Variants in AMBN observed in about 807,000 individuals in gnomAD.
The protein encoded by AMBN is enamel matrix protein.
Under a neutral mutation model 48.0 loss-of-function variants are expected in AMBN, and 54 were observed. The ratio of observed to expected loss-of-function variants is 1.12; its 90% CI spans 0.90 to 1.41. The LOEUF (loss-of-function observed/expected upper bound fraction) is 1.41, where lower values mean the gene tolerates loss of function less well. Ranked by LOEUF, AMBN falls within the 40% of genes most tolerant of loss-of-function variation. The pLI, the probability that AMBN is intolerant of heterozygous loss-of-function variation, is 0.00. For missense variants in AMBN, 571 were observed against 547.3 expected (o/e 1.04, Z -0.43); for synonymous variants, 186 against 190.0 (o/e 0.98, Z 0.17).
intron 2 of AMBN, among the ~76,000 whole-genome samples, chr4:70,596,279 C>CAA (rs36108778): frequency 2.4e-4 from 28 of 117,288 alleles, no homozygotes; most frequent in South Asian, 8.2e-4. Flanking sequence ...AACTTAGTCT[C>CAA]AAAAAAAAAA....
chr4:70,593,794 G>A (rs903662690), intron 2 of AMBN, among the ~76,000 whole-genome samples: 1 of 151,676 alleles, frequency 6.6e-6, no homozygotes, highest in Non-Finnish European at 1.5e-5. Context: ...GAACCTGGGA[G>A]GCGGAGGTTG....
rs368371182 is a variant in AMBN, at chr4:70,600,867, C to G, written c.295-551C>G. 7.0e-4 allele frequency among the ~76,000 whole-genome samples: 106 copies of G among 152,192 alleles called. 2 individuals are homozygous for G. In the South Asian group the frequency reaches 0.019, roughly 28 times the overall value. ...TATGTTAATGGTGACTGTTTCTTAA[C>G]TTAATTGTTTCCAAAGTGGACTCCA... On this transcript the variant is annotated intron_variant, in intron 5 of 12. Coordinates refer to ENST00000322937, the MANE Select transcript of AMBN (RefSeq NM_016519.6).
intron 4 of AMBN, 137 bp downstream of exon 4, chr4:70,598,540 A>G: frequency 1.9e-6 from 1 of 534,046 alleles, no homozygotes; most frequent in Non-Finnish European, 3.0e-6. Context: ...ATGAGAGCCT[A>G]AAACAAAATA....
At chr4:70,601,676 C>G (rs1282049907) in intron 6 of AMBN, 22 bp downstream of exon 6, 1 of 1,606,148 alleles carries the variant, frequency 6.2e-7, no homozygotes, top group African/African-American at 1.3e-5. Flanking sequence ...CTCTTGAAGT[C>G]AGATCAGAAT....
Position 70,601,629 on chromosome 4 carries a change from C to T in AMBN, c.506C>T (p.Pro169Leu), listed in dbSNP as rs1205593357. Residue 169 changes from proline (P) to leucine (L), a missense_variant, in exon 6 of 13, where the codon CCA becomes CTA. Physicochemically the swap from Pro to Leu is moderately conservative, Grantham distance 98. Transcript: ENST00000322937. The part of the protein sequence containing the change: ...ELPLVQQQVA[P>L]SDKPPKPELP... Reference sequence around the variant, plus strand: ...CCTCTGGTTCAGCAGCAGGTGGCACCATCAGATAAGCCACCAAAGCCTGAG... The same window carrying T: ...CCTCTGGTTCAGCAGCAGGTGGCACTATCAGATAAGCCACCAAAGCCTGAG... 7 of 1,614,002 alleles carry T rather than the reference C, an allele frequency of 4.3e-6. No individual in the cohort carries two copies. In the Admixed American group the frequency reaches 5.0e-5, roughly 12 times the overall value.
At chr4:70,599,706 C>A in intron 5 of AMBN, 60 bp downstream of exon 5, 2 of 1,285,714 alleles carry the variant, frequency 1.6e-6, no homozygotes, top group Non-Finnish European at 2.2e-6. Context: ...TCTTACTTGC[C>A]TTCTTTAAGT....
At chr4:70,600,401 C>T (rs1737491738) in intron 5 of AMBN, among the ~76,000 whole-genome samples, 1 of 151,476 alleles carries the variant, frequency 6.6e-6, no homozygotes, top group African/African-American at 2.4e-5. Context: ...TGATTAGGTG[C>T]CTAATAAATA....
intron 12 of AMBN, 82 bp downstream of exon 12, chr4:70,604,003 C>A: frequency 7.1e-7 from 1 of 1,412,698 alleles, no homozygotes; most frequent in Non-Finnish European, 1.0e-6. Flanking sequence ...AGACGTCTGC[C>A]ATGAATGTAG....
rs766225005 is a variant in AMBN at position 70,602,981 on chromosome 4, T to A, written c.619T>A (p.Leu207Met). 9.4e-6 allele frequency: 15 copies of A among 1,603,780 alleles called. No homozygotes were observed. The highest frequency in any genetic ancestry group is 1.7e-5 in the Admixed American group (1 of 59,248). ...PDPQGPSLPG[L>M]DFADPQGSTI... Reference sequence around the variant, plus strand: ...TTTATCTGTAATATAGCTCCCAGGATTGGATTTTGCTGATCCACAAGGTTC... The same window carrying A: ...TTTATCTGTAATATAGCTCCCAGGAATGGATTTTGCTGATCCACAAGGTTC... Residue 207 changes from leucine (L) to methionine (M), a missense_variant, in exon 9 of 13, where the codon TTG (leucine) becomes ATG (methionine). Physicochemically the swap from Leu to Met is conservative, Grantham distance 15. Coordinates refer to ENST00000322937, the MANE Select transcript of AMBN (RefSeq NM_016519.6).
chr4:70,603,488 G>T, intron 11 of AMBN, 28 bp downstream of exon 11: 1 of 1,593,208 alleles, frequency 6.3e-7, no homozygotes. Flanking sequence ...AAAAAGTATT[G>T]TTTTTAATTA....
rs1475778524 is a variant in AMBN, at chr4:70,606,626, A to G, written c.1240A>G (p.Met414Val). ...TSVDFQEEAT[M>V]DTTMAPNSLQ... is the part of the protein sequence containing the mutation. ...CGTGGATTTCCAGGAAGAAGCAACC[A>G]TGGATACCACGATGGCCCCAAACTC... Residue 414 changes from methionine to valine, a missense_variant, in exon 13 of 13, where the codon ATG (methionine) becomes GTG (valine). By Grantham distance (21) the Met-to-Val change is conservative (BLOSUM62 1). Coordinates refer to ENST00000322937, the MANE Select transcript of AMBN (RefSeq NM_016519.6). The G allele has an allele frequency of 4.3e-6, 7 of 1,614,046 alleles. No individual in the cohort carries two copies. The highest frequency in any genetic ancestry group is 1.7e-5 in the Admixed American group (1 of 60,004).
chr4:70,601,570 C>G lies in AMBN; in HGVS notation c.447C>G (p.His149Gln), dbSNP rs142332144. 1 of 1,614,044 alleles carries G rather than the reference C, an allele frequency of 6.2e-7. No individual in the cohort carries two copies. Among genetic ancestry groups the G allele is most frequent in the African/African-American group, 1.3e-5 (1 of 74,938 alleles). The stretch of plus-strand genomic sequence containing the variant: ...AAGAAGCACTTCAGCCTCCAATTCA[C>G]CTGGGACATCTGCCCTTGCAGGAAG... ...ALKEALQPPIHLGHLPLQEGE... is the reference protein window; with the variant it reads ...ALKEALQPPIQLGHLPLQEGE... The change falls in exon 6 of 13, where the codon CAC (histidine) becomes CAG (glutamine). Residue 149 changes from histidine to glutamine, a missense_variant. His to Gln is a conservative substitution (Grantham distance 24). Coordinates refer to ENST00000322937, the MANE Select transcript of AMBN (RefSeq NM_016519.6).
intron 5 of AMBN, 131 bp from the exon 6 acceptor site, chr4:70,601,287 T>C: frequency 1.1e-6 from 1 of 922,216 alleles, no homozygotes; most frequent in Non-Finnish European, 1.7e-6. Context: ...CTATGTAAAC[T>C]CAACTTCAAG....
At chr4:70,604,206 A>G (rs1258435570) in intron 12 of AMBN, among the ~76,000 whole-genome samples, 3 of 152,188 alleles carry the variant, frequency 2.0e-5, no homozygotes, top group Non-Finnish European at 2.9e-5. Flanking sequence ...CCGTCATTGA[A>G]CTATAAACAC....
At chr4:70,597,946 ATTTG>A (rs1175411506) in intron 3 of AMBN, among the ~76,000 whole-genome samples, 1 of 145,406 alleles carries the variant, frequency 6.9e-6, no homozygotes, top group East Asian at 2.0e-4. Context: ...TAGAAGTTTT[ATTTG>A]TTTGTCTTGT....
In AMBN at chr4:70,592,273, T is replaced by C; in HGVS notation, c.-86T>C. 7.9e-7 allele frequency: 1 copy of C among 1,265,484 alleles called. No homozygotes were observed. Among genetic ancestry groups the C allele is most frequent in the Non-Finnish European group, 1.1e-6 (1 of 879,212 alleles). The allele number at this position is 1,265,484 out of a possible 1,614,324, so 78.4% of individuals were successfully genotyped here. A position where few individuals can be genotyped will look rare whatever the true frequency, so the allele number is the denominator to read the frequency against. On this transcript the variant is annotated 5_prime_UTR_variant, in exon 1 of 13. Coordinates refer to ENST00000322937, the MANE Select transcript of AMBN (RefSeq NM_016519.6). ...CCCTGAATGAGAAGTACAGAGCAAG[T>C]CCCACGCACAGTCCTGAAAAAAATT...
At position 70,601,610 on chromosome 4, in the gene AMBN, G is replaced by C; in HGVS notation, c.487G>C (p.Val163Leu). Reference sequence around the variant, plus strand: ...CTTGCAGGAAGGAGAACTGCCTCTGGTTCAGCAGCAGGTGGCACCATCAGA... The same window carrying C: ...CTTGCAGGAAGGAGAACTGCCTCTGCTTCAGCAGCAGGTGGCACCATCAGA... ...LPLQEGELPL[V>L]QQQVAPSDKP... Residue 163 changes from valine to leucine, a missense_variant, in exon 6 of 13, where the codon GTT becomes CTT. Physicochemically the swap from Val to Leu is conservative, Grantham distance 32. Coordinates refer to ENST00000322937, the MANE Select transcript of AMBN (RefSeq NM_016519.6). 1 of 1,614,164 alleles carries C rather than the reference G, an allele frequency of 6.2e-7. No individual in the cohort carries two copies. The highest frequency in any genetic ancestry group is 8.5e-7 in the Non-Finnish European group (1 of 1,180,008).
chr4:70,595,875 G>C (rs1369741840), intron 2 of AMBN, among the ~76,000 whole-genome samples: 1 of 152,134 alleles, frequency 6.6e-6, no homozygotes, highest in South Asian at 2.1e-4. Flanking sequence ...AAAGGAAAAG[G>C]CTAGGCATGG....
intron 4 of AMBN, 27 bp from the exon 5 acceptor site, chr4:70,599,509 C>T (rs1426707691): frequency 3.4e-6 from 5 of 1,458,902 alleles, no homozygotes; most frequent in Admixed American, 1.9e-5. Context: ...TAAATATAAG[C>T]ATGTCTTTTT....
Sources: gnomAD v4.1 joint callset for allele counts (sites outside exome capture counted in the v4.1 genomes callset) on GRCh38, gnomAD v4.1.1 for gene constraint, MANE v1.5 for transcripts, NCBI Gene and HGNC (gene_info 2026-07-23, HGNC 2026-07-21) for gene names.